DCUN1D2: variants seen among roughly 807,000 people sequenced by gnomAD.
The protein encoded by DCUN1D2 is DCN1-like protein 2.
Under a neutral mutation model 30.9 loss-of-function variants are expected in DCUN1D2, and 29 were observed. The observed-to-expected ratio is 0.94, with a 90% confidence interval of 0.70 to 1.28. The LOEUF (loss-of-function observed/expected upper bound fraction) is 1.28, where lower values mean the gene tolerates loss of function less well. DCUN1D2 is among the 50% of genes most tolerant of loss of function. The probability of loss-of-function intolerance (pLI) is 0.00; values close to 1 mark genes in which losing one functional copy is unlikely to be tolerated. For synonymous variants in DCUN1D2, 121 were observed against 115.3 expected (o/e 1.05, Z -0.32); for missense variants, 325 against 316.9 (o/e 1.03, Z -0.19).
chr13:113,458,348 G>A (rs1169219204), intron 6 of DCUN1D2, among the ~76,000 whole-genome samples: 1 of 152,220 alleles, frequency 6.6e-6, no homozygotes, highest in Non-Finnish European at 1.5e-5. Context: ...GCTCACAGTG[G>A]CCCCGGATGC....
At chr13:113,479,513 G>C (rs2044671261) in intron 3 of DCUN1D2, among the ~76,000 whole-genome samples, 1 of 152,142 alleles carries the variant, frequency 6.6e-6, no homozygotes, top group Non-Finnish European at 1.5e-5. Context: ...CAGCACTTTG[G>C]GAGGCTGATG....
In DCUN1D2 at chr13:113,457,973, A is replaced by T. The variant is rs2044252730; in HGVS notation, c.*56T>A. 1 of 1,509,918 alleles carries T rather than the reference A, an allele frequency of 6.6e-7. No homozygotes were observed. The highest frequency in any genetic ancestry group is 9.2e-7 in the Non-Finnish European group (1 of 1,085,562). The allele number at this position is 1,509,918 out of a possible 1,614,324, so 93.5% of individuals were successfully genotyped here. A position where few individuals can be genotyped will look rare whatever the true frequency, so the allele number is the denominator to read the frequency against. Reference sequence around the variant, plus strand: ...GACAATGCACCCAGGAACTGACTGCAATCTCCTTGCAGGATACAAATCATT... The same window carrying T: ...GACAATGCACCCAGGAACTGACTGCTATCTCCTTGCAGGATACAAATCATT... On this transcript the variant is annotated 3_prime_UTR_variant, in exon 7 of 7. Coordinates refer to ENST00000478244, the MANE Select transcript of DCUN1D2 (RefSeq NM_001014283.2).
rs570145722 is a variant in DCUN1D2 at position 113,457,932 on chromosome 13, G to A, written c.*97C>T. 1.4e-4 allele frequency: 157 copies of A among 1,152,794 alleles called. No homozygotes were observed. The highest frequency in any genetic ancestry group is 5.4e-4 in the Admixed American group (30 of 55,700). The allele number at this position is 1,152,794 out of a possible 1,614,324, so 71.4% of individuals were successfully genotyped here. On this transcript the variant is annotated 3_prime_UTR_variant, in exon 7 of 7. Coordinates refer to ENST00000478244, the MANE Select transcript of DCUN1D2 (RefSeq NM_001014283.2). ...TCTGGTTTCATGGCTGGTCAAGAATGACTTCTGGAATCAGCGACAATGCAC... is the reference window on the plus strand; with the variant it reads ...TCTGGTTTCATGGCTGGTCAAGAATAACTTCTGGAATCAGCGACAATGCAC...
rs926737719 is a variant in DCUN1D2, at chr13:113,458,076, C to G, written c.733G>C (p.Glu245Gln). ...AWPVLIDDFV[E>Q]YARPVVTGGK... ...CCTGTGACTACTGGCCGTGCATATT[C>G]TACAAAATCATCTATAAGAACGGGC... Residue 245 changes from glutamate (E) to glutamine (Q), a missense_variant, in exon 7 of 7, where the codon GAA becomes CAA. Glu to Gln is a conservative substitution (Grantham distance 29, BLOSUM62 2). Transcript: ENST00000478244. The G allele has an allele frequency of 6.2e-7, 1 of 1,614,188 alleles. No individual in the cohort carries two copies. Among genetic ancestry groups the G allele is most frequent in the East Asian group, 2.2e-5 (1 of 44,892 alleles).
chr13:113,490,860 G>C, upstream of DCUN1D2: 1 of 335,938 alleles, frequency 3.0e-6, no homozygotes, highest in Non-Finnish European at 4.8e-6. The surrounding 1 kb of genome is among the most constrained non-coding windows in gnomAD (Gnocchi z 5.2). Flanking sequence ...CACAGCCCCT[G>C]CGCGTCCAGC....
intron 4 of DCUN1D2, among the ~76,000 whole-genome samples, chr13:113,466,370 T>C (rs77741868): frequency 1.2e-3 from 180 of 152,322 alleles, no homozygotes; most frequent in East Asian, 7.3e-3. Context: ...ATGTTTTCAT[T>C]TGTTAAAAGT....
In DCUN1D2 at chr13:113,456,125, T is replaced by C; in HGVS notation, c.*1904A>G. On this transcript the variant is annotated 3_prime_UTR_variant, in exon 7 of 7. Coordinates refer to ENST00000478244, the MANE Select transcript of DCUN1D2 (RefSeq NM_001014283.2). ...TTTTTGAGGTTTGTATTAATGCCAG[T>C]TTTTATTGTATTAGACAAATGCTCT... 1 of 398,430 alleles carries C rather than the reference T, an allele frequency of 2.5e-6. No homozygotes were observed. Among genetic ancestry groups the C allele is most frequent in the Non-Finnish European group, 4.4e-6 (1 of 226,036 alleles). The allele number at this position is 398,430 out of a possible 1,614,324, so 24.7% of individuals were successfully genotyped here.
intron 4 of DCUN1D2, among the ~76,000 whole-genome samples, 178 bp downstream of exon 4, chr13:113,473,946 A>G (rs1277689161): frequency 2.6e-5 from 4 of 152,212 alleles, no homozygotes; most frequent in Admixed American, 2.6e-4. Flanking sequence ...TTGAGGCTGC[A>G]GTGAGCTGTG....
intron 6 of DCUN1D2, 34 bp from the exon 7 acceptor site, chr13:113,458,142 G>A (rs368766499): frequency 6.3e-7 from 1 of 1,578,424 alleles, no homozygotes; most frequent in East Asian, 2.2e-5. Context: ...AAACCCGTTA[G>A]AGCACCGTTT....
At position 113,456,507 on chromosome 13, in the gene DCUN1D2, C is replaced by T. The variant is rs1037190005; in HGVS notation, c.*1522G>A. On this transcript the variant is annotated 3_prime_UTR_variant, in exon 7 of 7. Coordinates refer to ENST00000478244, the MANE Select transcript of DCUN1D2 (RefSeq NM_001014283.2). ...TCATCTGCGGCGACTCTCCTCTGTG[C>T]TGGGCAGCAGCTCCAGCTGGTCCAC... The T allele has an allele frequency of 3.5e-5, 14 of 397,616 alleles. No homozygotes were observed. Among genetic ancestry groups the T allele is most frequent in the Non-Finnish European group, 6.2e-5 (14 of 225,838 alleles). The allele number at this position is 397,616 out of a possible 1,614,324, so 24.6% of individuals were successfully genotyped here. A position where few individuals can be genotyped will look rare whatever the true frequency, so the allele number is the denominator to read the frequency against.
At chr13:113,472,025 AC>A (rs1011860103) in intron 4 of DCUN1D2, among the ~76,000 whole-genome samples, 5 of 150,138 alleles carry the variant, frequency 3.3e-5, no homozygotes, top group Non-Finnish European at 4.4e-5. Flanking sequence ...AGAGTGTATT[AC>A]CCCCCCAACC....
chr13:113,457,906 C>G lies in DCUN1D2; in HGVS notation c.*123G>C. The G allele has an allele frequency of 1.1e-6, 1 of 945,640 alleles. No homozygotes were observed. Among genetic ancestry groups the G allele is most frequent in the Non-Finnish European group, 1.7e-6 (1 of 600,826 alleles). The allele number at this position is 945,640 out of a possible 1,614,324, so 58.6% of individuals were successfully genotyped here. ...GTCCTCCGGCAGAATGGGATGGCGC[C>G]TCTGGTTTCATGGCTGGTCAAGAAT... On this transcript the variant is annotated 3_prime_UTR_variant, in exon 7 of 7. Coordinates refer to ENST00000478244, the MANE Select transcript of DCUN1D2 (RefSeq NM_001014283.2).
At chr13:113,459,145 T>G (rs532794926) in intron 6 of DCUN1D2, among the ~76,000 whole-genome samples, 167 bp downstream of exon 6, 4 of 152,296 alleles carry the variant, frequency 2.6e-5, no homozygotes, top group African/African-American at 9.6e-5. Context: ...ACACTAAATA[T>G]AAAACCCTAT....
At position 113,456,567 on chromosome 13, in the gene DCUN1D2, C is replaced by T. The variant is rs574955135; in HGVS notation, c.*1462G>A. On this transcript the variant is annotated 3_prime_UTR_variant, in exon 7 of 7. Transcript: ENST00000478244. The stretch of plus-strand genomic sequence containing the variant: ...AGTGCTGCAGGGGGGCAGCAAGGCA[C>T]GCCTGTGACATGAGAGTCTCGGCAC... 3.3e-5 allele frequency: 13 copies of T among 394,606 alleles called. No homozygotes were observed. Among genetic ancestry groups the T allele is most frequent in the African/African-American group, 8.2e-5 (4 of 48,688 alleles). The allele number at this position is 394,606 out of a possible 1,614,324, so 24.4% of individuals were successfully genotyped here. A position where few individuals can be genotyped will look rare whatever the true frequency, so the allele number is the denominator to read the frequency against.
At chr13:113,461,380 C>T (rs768081567) in intron 4 of DCUN1D2, among the ~76,000 whole-genome samples, 9 of 152,156 alleles carry the variant, frequency 5.9e-5, no homozygotes, top group Non-Finnish European at 1.0e-4. Flanking sequence ...CACACAATTC[C>T]CCCCTAATTA....
chr13:113,462,178 G>C (rs1426204511), intron 4 of DCUN1D2, among the ~76,000 whole-genome samples: 1 of 151,798 alleles, frequency 6.6e-6, no homozygotes, highest in Non-Finnish European at 1.5e-5. Flanking sequence ...CTTGAACCTG[G>C]GAGGCGGAGG....
chr13:113,490,925 C>A, upstream of DCUN1D2: 1 of 225,364 alleles, frequency 4.4e-6, no homozygotes, highest in Non-Finnish European at 8.5e-6. The surrounding 1 kb of genome is among the most constrained non-coding windows in gnomAD (Gnocchi z 5.2). Context: ...CCTGCGGCTG[C>A]CAGGCCCCAC....
intron 1 of DCUN1D2, among the ~76,000 whole-genome samples, chr13:113,485,108 T>TAAATAAAC (rs1273322257): frequency 1.4e-5 from 2 of 146,688 alleles, no homozygotes; most frequent in African/African-American, 5.2e-5. Context: ...AATAAATAAA[T>TAAATAAAC]AAAGTAACCT....
intron 4 of DCUN1D2, among the ~76,000 whole-genome samples, chr13:113,470,555 A>C (rs894328705): frequency 6.6e-6 from 1 of 151,974 alleles, no homozygotes; most frequent in Non-Finnish European, 1.5e-5. Flanking sequence ...AGAAGACCCA[A>C]CTCCACAGGG....
Sources: gnomAD v4.1 joint callset for allele counts (sites outside exome capture counted in the v4.1 genomes callset) on GRCh38, gnomAD v4.1.1 for gene constraint, Gnocchi (gnomAD v3.1) non-coding constraint, MANE v1.5 for transcripts, NCBI Gene and HGNC (gene_info 2026-07-23, HGNC 2026-07-21) for gene names.